The following FGFR2 variants were observed in gnomAD, a reference collection of about 807,000 sequenced individuals.
FGFR2 encodes the protein fibroblast growth factor receptor 2, also known as BEK fibroblast growth factor receptor.
In FGFR2, 19 loss-of-function variants were observed where a neutral mutation model predicts 95.9. That is an observed-to-expected ratio of 0.20 (90% CI 0.14 to 0.29). The LOEUF (loss-of-function observed/expected upper bound fraction) is 0.29. Among genes scored for constraint, FGFR2 ranks in the 10% least tolerant of loss-of-function variants. The pLI is 1.00. For synonymous variants in FGFR2, 392 were observed against 393.3 expected, an observed-to-expected ratio of 1.00 and a Z score of 0.04; for missense variants, 707 against 1,056.9, an observed-to-expected ratio of 0.67 and a Z score of 4.59.
rs903048054 is a variant in FGFR2 at position 121,482,259 on chromosome 10, G to A, written c.2301+1439C>T. On this transcript the variant is annotated intron_variant, in intron 17 of 17. Coordinates refer to ENST00000358487, the MANE Select transcript of FGFR2 (RefSeq NM_000141.5). ...TATACTAGAAACAACAATTTTGGCA[G>A]AAGAAGAAAGTTGGTTTCTTCCCCC... The A allele has an allele frequency of 7.3e-6, 10 of 1,371,916 alleles. No homozygotes were observed. The African/African-American group carries it at 1.3e-4, about 18-fold the overall frequency. The allele number at this position is 1,371,916 out of a possible 1,614,324, so 85.0% of individuals were successfully genotyped here.
chr10:121,512,461 T>C (rs1408271777), intron 9 of FGFR2, among the ~76,000 whole-genome samples: 1 of 152,230 alleles, frequency 6.6e-6, no homozygotes, highest in African/African-American at 2.4e-5. Context: ...GGAACTGGTA[T>C]TTGCCCCCTT....
intron 3 of FGFR2, 112 bp from the exon 4 acceptor site, chr10:121,564,691 G>A (rs1242113025): frequency 1.6e-5 from 14 of 896,428 alleles, no homozygotes; most frequent in Admixed American, 1.9e-5. Context: ...AGGAACCCTC[G>A]CAAAGAGCCT....
rs1849929230 is a variant in FGFR2, at chr10:121,518,049, T to C, written c.940-586A>G. 2.0e-6 allele frequency: 1 copy of C among 500,064 alleles called. No individual in the cohort carries two copies. Among genetic ancestry groups the C allele is most frequent in the Admixed American group, 2.2e-5 (1 of 45,850 alleles). 31.0% of individuals were successfully genotyped at this position (500,064 alleles called of 1,614,324 possible). ...AAAGAAATGGAAGCAAGCATCATCT[T>C]GGTAACCAAAAAAACTGGGCTTTTT... is the stretch of plus-strand genomic sequence containing the variant. On this transcript the variant is annotated intron_variant, in intron 7 of 17. Coordinates refer to ENST00000358487, the MANE Select transcript of FGFR2 (RefSeq NM_000141.5). The surrounding 1 kb of genome is among the most constrained non-coding windows in gnomAD (Gnocchi z 4.0).
At chr10:121,565,319 C>T (rs1224922736) in intron 3 of FGFR2, 119 bp downstream of exon 3, 1 of 1,332,618 alleles carries the variant, frequency 7.5e-7, no homozygotes, top group Non-Finnish European at 1.1e-6. Flanking sequence ...ATTTCAAAAA[C>T]TATGAAGCTG....
intron 9 of FGFR2, among the ~76,000 whole-genome samples, chr10:121,514,151 T>G: frequency 6.6e-6 from 1 of 152,230 alleles, no homozygotes; most frequent in East Asian, 1.9e-4. Flanking sequence ...ACCCCGTACA[T>G]TTTACTAAAA....
intron 2 of FGFR2, among the ~76,000 whole-genome samples, chr10:121,581,762 A>T (rs45631562): frequency 0.12 from 795 of 6,630 alleles, 1 homozygote; most frequent in Non-Finnish European, 0.28. Context: ...CCCTGCATTT[A>T]AAAAAAAAAA....
At chr10:121,569,941 C>T (rs984258028) in intron 2 of FGFR2, among the ~76,000 whole-genome samples, 1 of 152,132 alleles carries the variant, frequency 6.6e-6, no homozygotes, top group Non-Finnish European at 1.5e-5. Flanking sequence ...AATAAACACA[C>T]AAGAGAGAAA....
intron 7 of FGFR2, 113 bp downstream of exon 7, chr10:121,519,866 G>A: frequency 1.0e-6 from 1 of 1,003,550 alleles, no homozygotes; most frequent in South Asian, 1.4e-5. Flanking sequence ...CTGCTGGCTA[G>A]TCAAAAAAGA....
chr10:121,525,344 C>G (rs1663853800), intron 6 of FGFR2, among the ~76,000 whole-genome samples: 1 of 152,180 alleles, frequency 6.6e-6, no homozygotes, highest in Admixed American at 6.5e-5. Context: ...GGACAGTTGG[C>G]TGCACTGCTG....
chr10:121,591,477 C>T (rs1358857793), intron 2 of FGFR2, among the ~76,000 whole-genome samples: 1 of 152,216 alleles, frequency 6.6e-6, no homozygotes, highest in Non-Finnish European at 1.5e-5. Flanking sequence ...TGGAAATCTC[C>T]TAACAACCTT....
intron 4 of FGFR2, among the ~76,000 whole-genome samples, chr10:121,553,919 C>A (rs770081976): frequency 1.3e-5 from 2 of 152,208 alleles, no homozygotes; most frequent in African/African-American, 4.8e-5. Flanking sequence ...CCAGACCACG[C>A]GCACCTATGC....
intron 13 of FGFR2, among the ~76,000 whole-genome samples, chr10:121,491,251 T>G (rs1379743534): frequency 6.6e-6 from 1 of 152,008 alleles, no homozygotes; most frequent in African/African-American, 2.4e-5. Context: ...AACCCCAGCC[T>G]CTGGGTTGAA....
chr10:121,536,186 C>T (rs1373312440), intron 6 of FGFR2, among the ~76,000 whole-genome samples: 2 of 152,176 alleles, frequency 1.3e-5, no homozygotes, highest in Non-Finnish European at 2.9e-5. Flanking sequence ...CAACCCTGTA[C>T]GTCTATATGA....
intron 13 of FGFR2, among the ~76,000 whole-genome samples, chr10:121,488,604 G>A: frequency 6.6e-6 from 1 of 151,202 alleles, no homozygotes; most frequent in South Asian, 2.1e-4. Flanking sequence ...AGATTAAGAA[G>A]ACAGGTCAAC....
At chr10:121,563,618 G>C (rs548313785) in intron 4 of FGFR2, among the ~76,000 whole-genome samples, 1 of 152,254 alleles carries the variant, frequency 6.6e-6, no homozygotes, top group East Asian at 1.9e-4. Context: ...CCACTCTTCT[G>C]AGCACTATAC....
chr10:121,502,952 GTTTGCAGTTCAGAGC>G (rs1847789338), intron 10 of FGFR2, among the ~76,000 whole-genome samples: 1 of 152,138 alleles, frequency 6.6e-6, no homozygotes, highest in Admixed American at 6.5e-5. Flanking sequence ...TCCTGCTGAG[GTTTGCAGTTCAGAGC>G]TCCCAGGTTA....
chr10:121,483,933 T>G (rs1845085738), intron 16 of FGFR2, 130 bp from the exon 17 acceptor site: 1 of 701,448 alleles, frequency 1.4e-6, no homozygotes, highest in East Asian at 2.7e-5. Context: ...AGCAACTAGA[T>G]TAGGGGGTCA....
chr10:121,481,049 T>C (rs1844606052), intron 17 of FGFR2, among the ~76,000 whole-genome samples: 2 of 152,216 alleles, frequency 1.3e-5, no homozygotes, highest in Non-Finnish European at 2.9e-5. Context: ...TCTATTTACA[T>C]ATTGTCTGTG....
At chr10:121,563,393 T>C (rs1031726078) in intron 4 of FGFR2, among the ~76,000 whole-genome samples, 3 of 152,020 alleles carry the variant, frequency 2.0e-5, no homozygotes, top group East Asian at 3.9e-4. Context: ...TATATATATA[T>C]ACATAAATTA....
Sources: gnomAD v4.1 joint callset for allele counts (sites outside exome capture counted in the v4.1 genomes callset) on GRCh38, gnomAD v4.1.1 for gene constraint, Gnocchi (gnomAD v3.1) non-coding constraint, MANE v1.5 for transcripts, NCBI Gene and HGNC (gene_info 2026-07-23, HGNC 2026-07-21) for gene names.